Variants in DYNLT5 observed in about 807,000 individuals in gnomAD.
The protein encoded by DYNLT5 is dynein light chain Tctex-type family member 5.
Under a neutral mutation model 19.3 loss-of-function variants are expected in DYNLT5, and 25 were observed. That is an observed-to-expected ratio of 1.30 (90% CI 0.95 to 1.81). DYNLT5 has a LOEUF of 1.81. Ranked by LOEUF, DYNLT5 falls within the 40% of genes most tolerant of loss-of-function variation. DYNLT5 has a pLI of 0.00. For synonymous variants in DYNLT5, 82 were observed against 68.9 expected (o/e 1.19, Z -0.94); for missense variants, 232 against 217.9 (o/e 1.06, Z -0.41).
intron 2 of DYNLT5, among the ~76,000 whole-genome samples, chr1:66,768,445 T>A (rs953261874): frequency 6.6e-6 from 1 of 152,212 alleles, no homozygotes; most frequent in African/African-American, 2.4e-5. Flanking sequence ...TGAACAAATT[T>A]ATCTACAATA....
chr1:66,767,755 T>G (rs979526148), intron 2 of DYNLT5, among the ~76,000 whole-genome samples: 4 of 152,316 alleles, frequency 2.6e-5, no homozygotes, highest in South Asian at 2.1e-4. Context: ...ATCTGTAATC[T>G]GCAAGGTCAC....
At chr1:66,776,222 G>T (rs1479873120) in intron 3 of DYNLT5, 57 bp from the exon 4 acceptor site, 1 of 1,582,818 alleles carries the variant, frequency 6.3e-7, no homozygotes, top group African/African-American at 1.3e-5. Flanking sequence ...AGCCTATGGG[G>T]TGGGTGGGTG....
intron 3 of DYNLT5, among the ~76,000 whole-genome samples, chr1:66,775,800 C>T (rs1200632203): frequency 6.6e-6 from 1 of 152,258 alleles, no homozygotes; most frequent in South Asian, 2.1e-4. Context: ...ACAGGAGCAC[C>T]TTTATAGACA....
intron 2 of DYNLT5, among the ~76,000 whole-genome samples, chr1:66,760,206 G>T (rs1286306924): frequency 1.3e-5 from 2 of 151,976 alleles, no homozygotes; most frequent in Non-Finnish European, 2.9e-5. Context: ...TATATAATTT[G>T]CTTGTTTAGT....
chr1:66,767,540 G>A (rs1054586534), intron 2 of DYNLT5, among the ~76,000 whole-genome samples: 15 of 152,174 alleles, frequency 9.9e-5, no homozygotes, highest in African/African-American at 3.6e-4. Context: ...TTACAGGCGT[G>A]AGCCACCACT....
intron 3 of DYNLT5, among the ~76,000 whole-genome samples, chr1:66,771,796 A>T (rs1645205852): frequency 6.6e-6 from 1 of 152,230 alleles, no homozygotes; most frequent in Admixed American, 6.5e-5. Flanking sequence ...GATTTGAACA[A>T]GACAGGGCCA....
chr1:66,759,100 G>A (rs1284338535), intron 2 of DYNLT5, among the ~76,000 whole-genome samples: 2 of 152,144 alleles, frequency 1.3e-5, no homozygotes, highest in Admixed American at 1.3e-4. Flanking sequence ...TGTCATTTTA[G>A]GTTATTAAGC....
intron 2 of DYNLT5, among the ~76,000 whole-genome samples, chr1:66,759,511 C>T (rs756922733): frequency 1.1e-4 from 17 of 152,070 alleles, no homozygotes; most frequent in African/African-American, 2.4e-4. Context: ...GATACATACA[C>T]GTTTTTTTAA....
chr1:66,767,546 C>T (rs893104800), intron 2 of DYNLT5, among the ~76,000 whole-genome samples: 19 of 152,196 alleles, frequency 1.2e-4, no homozygotes, highest in African/African-American at 4.3e-4. Context: ...GCGTGAGCCA[C>T]CACTGCCAGC....
At chr1:66,775,019 G>A (rs933218189) in intron 3 of DYNLT5, 1 of 152,150 alleles carries the variant, frequency 6.6e-6, no homozygotes, top group African/African-American at 2.4e-5. Flanking sequence ...AACAAATAAT[G>A]ACTGGGCTTC....
chr1:66,763,262 G>A (rs2094648991), intron 2 of DYNLT5, among the ~76,000 whole-genome samples: 1 of 152,150 alleles, frequency 6.6e-6, no homozygotes, highest in Non-Finnish European at 1.5e-5. Context: ...AAACAGATGT[G>A]CTGTCATCTA....
chr1:66,760,934 A>G (rs969206272), intron 2 of DYNLT5, among the ~76,000 whole-genome samples: 48 of 152,248 alleles, frequency 3.2e-4, no homozygotes, highest in Middle Eastern at 3.4e-3. Context: ...ATTACCTTCA[A>G]TTACTCCAGA....
At chr1:66,774,363 G>T (rs1471067355) in intron 3 of DYNLT5, among the ~76,000 whole-genome samples, 1 of 151,886 alleles carries the variant, frequency 6.6e-6, no homozygotes, top group East Asian at 1.9e-4. Flanking sequence ...CCATGCCCTA[G>T]GCTTGGGTTC....
intron 2 of DYNLT5, among the ~76,000 whole-genome samples, chr1:66,763,222 G>A (rs779149236): frequency 2.6e-5 from 4 of 152,064 alleles, no homozygotes; most frequent in Non-Finnish European, 5.9e-5. Context: ...CTCAACAGTG[G>A]GCTTAAAATA....
intron 1 of DYNLT5, among the ~76,000 whole-genome samples, chr1:66,753,836 G>C (rs2150857024): frequency 6.6e-6 from 1 of 152,212 alleles, no homozygotes; most frequent in East Asian, 1.9e-4. Context: ...TGTAGTCCTA[G>C]CTACTAGGGA....
At position 66,753,214 on chromosome 1, in the gene DYNLT5, C is replaced by A. The variant is rs561759562; in HGVS notation, c.-4+630C>A. Among the ~76,000 whole-genome samples the A allele has an allele frequency of 3.9e-5, 6 of 152,306 alleles. No individual in the cohort carries two copies. In the East Asian group the frequency reaches 1.2e-3, roughly 29 times the overall value. On this transcript the variant is annotated intron_variant, in intron 1 of 4. Transcript: ENST00000282670. ...CAGCACCTCTGCTCTGACATTGATG[C>A]CACTGGGTTTTAGGGTATGTTCTTG...
At chr1:66,760,504 G>A (rs1487586381) in intron 2 of DYNLT5, among the ~76,000 whole-genome samples, 1 of 152,190 alleles carries the variant, frequency 6.6e-6, no homozygotes, top group Non-Finnish European at 1.5e-5. Context: ...TCCTCTTATA[G>A]ACATAAGATG....
chr1:66,763,857 C>T (rs2094650024), intron 2 of DYNLT5, among the ~76,000 whole-genome samples: 1 of 152,172 alleles, frequency 6.6e-6, no homozygotes, highest in African/African-American at 2.4e-5. Flanking sequence ...TCTTATCATT[C>T]ATGTGTTCAC....
intron 3 of DYNLT5, among the ~76,000 whole-genome samples, chr1:66,774,465 CTATATTAT>C (rs1557874789): frequency 3.3e-5 from 5 of 152,000 alleles, no homozygotes; most frequent in Admixed American, 3.3e-4. Flanking sequence ...TCAACAATTT[CTATATTAT>C]CATCAAAATA....
Sources: allele counts gnomAD v4.1 joint callset (sites outside exome capture counted in the v4.1 genomes callset), GRCh38; gene constraint gnomAD v4.1.1; transcripts MANE v1.5; gene names NCBI Gene and HGNC (gene_info 2026-07-23, HGNC 2026-07-21).